The following RALYL variants were observed in gnomAD, a reference collection of about 807,000 sequenced individuals.
RALYL encodes the protein RALY RNA binding protein like, also known as RNA-binding Raly-like protein.
A neutral mutation model predicts 35.1 loss-of-function variants in RALYL; 29 were observed. That is an observed-to-expected ratio of 0.83 (90% CI 0.61 to 1.13). The LOEUF is 1.13. Among genes scored for constraint, RALYL ranks in the 50% most tolerant of loss-of-function variants. RALYL has a pLI of 0.00. For missense variants in RALYL, 359 were observed against 360.4 expected (o/e 1.00, Z 0.03); for synonymous variants, 120 against 127.6 (o/e 0.94, Z 0.40).
chr8:84,533,920 G>A (rs139713953), intron 2 of RALYL, among the ~76,000 whole-genome samples: 297 of 152,328 alleles, frequency 1.9e-3, no homozygotes, highest in African/African-American at 6.7e-3. Context: ...TTCCCGTCAA[G>A]CATGTGCTGA....
intron 1 of RALYL, among the ~76,000 whole-genome samples, chr8:84,458,231 AAAT>A (rs1221508849): frequency 6.6e-6 from 1 of 151,824 alleles, no homozygotes; most frequent in Non-Finnish European, 1.5e-5. Context: ...TTTGCTATTT[AAAT>A]AATATTACAA....
At chr8:84,359,785 C>T (rs1471286274) in intron 1 of RALYL, among the ~76,000 whole-genome samples, 1 of 151,920 alleles carries the variant, frequency 6.6e-6, no homozygotes, top group Non-Finnish European at 1.5e-5. Context: ...GCATGTATAC[C>T]TACTAGACCT....
chr8:84,875,272 C>A (rs907692693), intron 7 of RALYL, among the ~76,000 whole-genome samples: 2 of 152,076 alleles, frequency 1.3e-5, no homozygotes, highest in African/African-American at 4.8e-5. Flanking sequence ...CCAATTTGCA[C>A]TTCAGTTTAA....
intron 2 of RALYL, among the ~76,000 whole-genome samples, chr8:84,553,032 A>C (rs1190266330): frequency 6.6e-6 from 1 of 152,230 alleles, no homozygotes; most frequent in Non-Finnish European, 1.5e-5. Flanking sequence ...ATCTTATGCA[A>C]TTATATGGAA....
chr8:84,568,870 T>A (rs1807156256), intron 2 of RALYL, among the ~76,000 whole-genome samples: 1 of 151,862 alleles, frequency 6.6e-6, no homozygotes, highest in Non-Finnish European at 1.5e-5. Flanking sequence ...TGTCTGTTCA[T>A]ATCCTTTGCC....
chr8:84,918,192 C>G (rs893032088), intron 8 of RALYL, among the ~76,000 whole-genome samples: 7 of 152,008 alleles, frequency 4.6e-5, no homozygotes, highest in African/African-American at 1.7e-4. Flanking sequence ...AAATAACAAG[C>G]ATTCCTGCTA....
At chr8:84,271,401 G>A (rs1834284325) in intron 1 of RALYL, among the ~76,000 whole-genome samples, 1 of 150,030 alleles carries the variant, frequency 6.7e-6, no homozygotes, top group South Asian at 2.1e-4. Flanking sequence ...TGAGTATGTG[G>A]GGAAACTAGG....
At chr8:84,840,282 A>C (rs1832944218) in intron 4 of RALYL, among the ~76,000 whole-genome samples, 2 of 152,216 alleles carry the variant, frequency 1.3e-5, no homozygotes, top group Admixed American at 1.3e-4. Context: ...AAAGGACCTG[A>C]TGGAGCTGAA....
At chr8:84,698,482 G>T (rs1240083031) in intron 2 of RALYL, among the ~76,000 whole-genome samples, 1 of 152,034 alleles carries the variant, frequency 6.6e-6, no homozygotes, top group Non-Finnish European at 1.5e-5. Flanking sequence ...ACAGTGGAGT[G>T]CAGAATCCCA....
At chr8:84,514,611 A>G (rs2057912262) in intron 1 of RALYL, among the ~76,000 whole-genome samples, 1 of 152,184 alleles carries the variant, frequency 6.6e-6, no homozygotes, top group Non-Finnish European at 1.5e-5. Context: ...AATTCCATTC[A>G]TGAGAGCTCT....
chr8:84,436,001 G>T (rs552699615), intron 1 of RALYL, among the ~76,000 whole-genome samples: 2 of 152,240 alleles, frequency 1.3e-5, no homozygotes, highest in South Asian at 4.1e-4. Context: ...AGTGTATACT[G>T]CTCAGGTGAT....
intron 1 of RALYL, among the ~76,000 whole-genome samples, chr8:84,217,829 A>G (rs1169041661): frequency 6.6e-6 from 1 of 152,152 alleles, no homozygotes; most frequent in Non-Finnish European, 1.5e-5. Context: ...GGAGCCTAAT[A>G]GAATTTCCCA....
chr8:84,293,611 T>C (rs1839199452), intron 1 of RALYL, among the ~76,000 whole-genome samples: 3 of 152,196 alleles, frequency 2.0e-5, no homozygotes, highest in South Asian at 2.1e-4. Context: ...ACAAAGCTCT[T>C]GAATTTAGCA....
chr8:84,302,996 G>A (rs1189141525), intron 1 of RALYL, among the ~76,000 whole-genome samples: 1 of 152,140 alleles, frequency 6.6e-6, no homozygotes, highest in Non-Finnish European at 1.5e-5. Context: ...TTGTGTACTA[G>A]AGAATTTTAA....
chr8:84,876,512 A>G (rs1484007780), intron 7 of RALYL, among the ~76,000 whole-genome samples: 1 of 152,188 alleles, frequency 6.6e-6, no homozygotes, highest in East Asian at 1.9e-4. Context: ...CACAAATTAC[A>G]TGCTTTACGC....
At chr8:84,666,916 A>G (rs1246759721) in intron 2 of RALYL, among the ~76,000 whole-genome samples, 1 of 152,086 alleles carries the variant, frequency 6.6e-6, no homozygotes, top group Non-Finnish European at 1.5e-5. Context: ...TTGCTAATAC[A>G]AAATTAACAA....
chr8:84,640,073 C>A (rs376383556), intron 2 of RALYL, among the ~76,000 whole-genome samples: 17 of 151,962 alleles, frequency 1.1e-4, no homozygotes, highest in East Asian at 9.7e-4. Context: ...AAATGAGAGA[C>A]TTAATTTAGG....
intron 1 of RALYL, among the ~76,000 whole-genome samples, chr8:84,464,193 A>G (rs2051218370): frequency 6.7e-6 from 1 of 150,098 alleles, no homozygotes; most frequent in African/African-American, 2.5e-5. Context: ...CACATTGTGC[A>G]GGTTAGTTAC....
chr8:84,836,643 A>G (rs1832086376), intron 4 of RALYL, among the ~76,000 whole-genome samples: 1 of 152,178 alleles, frequency 6.6e-6, no homozygotes, highest in Admixed American at 6.5e-5. Flanking sequence ...TTTGTTCACA[A>G]TATTAGATTG....
Sources: allele counts gnomAD v4.1 joint callset (sites outside exome capture counted in the v4.1 genomes callset), GRCh38; gene constraint gnomAD v4.1.1; transcripts MANE v1.5; gene names NCBI Gene and HGNC (gene_info 2026-07-23, HGNC 2026-07-21).